Variants in MSI2 observed in about 807,000 individuals in gnomAD.
MSI2 encodes musashi RNA binding protein 2.
Under a neutral mutation model 45.6 loss-of-function variants are expected in MSI2, and 17 were observed. That is an observed-to-expected ratio of 0.37 (90% CI 0.26 to 0.56). MSI2 has a LOEUF of 0.56. MSI2 is among the 20% of genes least tolerant of loss of function. The pLI is 0.77. For missense variants in MSI2, 293 were observed against 444.2 expected (o/e 0.66, Z 3.06); for synonymous variants, 156 against 158.2 (o/e 0.99, Z 0.11).
chr17:57,573,354 A>G (rs1333000972), intron 7 of MSI2, among the ~76,000 whole-genome samples: 1 of 152,178 alleles, frequency 6.6e-6, no homozygotes, highest in Non-Finnish European at 1.5e-5. Flanking sequence ...CTCCTACATT[A>G]TCACTCATTA....
Position 57,627,184 on chromosome 17 carries a change from G to T in MSI2, c.653-45G>T. ...CCGTGAGATTTTACCCCAGACCTGAGGCGGCTGTACTAACAGGACTCTGAT... is the reference window on the plus strand; with the variant it reads ...CCGTGAGATTTTACCCCAGACCTGATGCGGCTGTACTAACAGGACTCTGAT... On this transcript the variant is annotated intron_variant, in intron 9 of 13. Coordinates refer to ENST00000284073, the MANE Select transcript of MSI2 (RefSeq NM_138962.4). The surrounding 1 kb of genome is among the most constrained non-coding windows in gnomAD (Gnocchi z 4.6). The T allele has an allele frequency of 1.9e-5, 29 of 1,563,424 alleles. No homozygotes were observed. The highest frequency in any genetic ancestry group is 2.5e-5 in the Non-Finnish European group (28 of 1,134,010).
intron 5 of MSI2, among the ~76,000 whole-genome samples, chr17:57,303,990 T>A (rs1911643091): frequency 6.6e-6 from 1 of 152,014 alleles, no homozygotes; most frequent in Non-Finnish European, 1.5e-5. Context: ...GAAGGGAGTC[T>A]TGGAGGGAAG....
rs373081184 is a variant in MSI2 at position 57,529,869 on chromosome 17, C to T, written c.454+145C>T. 3.5e-5 allele frequency: 23 copies of T among 648,254 alleles called. No homozygotes were observed. The highest frequency in any genetic ancestry group is 9.9e-5 in the Admixed American group (3 of 30,180). 40.2% of individuals were successfully genotyped at this position (648,254 alleles called of 1,614,324 possible). ...ACCATCCATTGAAGATCTTTATTCA[C>T]GGAGAGTCCCAGTAGCACAAAGAGT... On this transcript the variant is annotated intron_variant, in intron 7 of 13. Transcript: ENST00000284073. This position sits in a 1 kb window ranked among gnomAD's most constrained non-coding sequence, Gnocchi z 5.3.
At chr17:57,322,534 A>G (rs1913432480) in intron 5 of MSI2, among the ~76,000 whole-genome samples, 1 of 151,290 alleles carries the variant, frequency 6.6e-6, no homozygotes, top group African/African-American at 2.5e-5. Context: ...TAGGGGTGAA[A>G]TAACAGCATA....
At chr17:57,337,973 T>C (rs1251331518) in intron 5 of MSI2, among the ~76,000 whole-genome samples, 1 of 152,234 alleles carries the variant, frequency 6.6e-6, no homozygotes, top group African/African-American at 2.4e-5. Context: ...TGTTACTAGA[T>C]GGTTGTAAAA....
rs1367874213 is a variant in MSI2, at chr17:57,529,144, A to C, written c.406-532A>C. Among the ~76,000 whole-genome samples the C allele has an allele frequency of 6.6e-6, 1 of 152,198 alleles. No individual in the cohort carries two copies. Among genetic ancestry groups the C allele is most frequent in the African/African-American group, 2.4e-5 (1 of 41,462 alleles). On this transcript the variant is annotated intron_variant, in intron 6 of 13. Transcript: ENST00000284073. This position sits in a 1 kb window ranked among gnomAD's most constrained non-coding sequence, Gnocchi z 5.3. ...ATAGTTTTTTCTTTCTTTAGAAAAA[A>C]AATACTCCAGGCCTGGAGCAGTGGC...
intron 6 of MSI2, among the ~76,000 whole-genome samples, chr17:57,516,816 G>A (rs2086479207): frequency 1.3e-5 from 2 of 152,196 alleles, no homozygotes; most frequent in Non-Finnish European, 2.9e-5. Context: ...AATGGAGTGG[G>A]ATTTGAACCC....
intron 6 of MSI2, among the ~76,000 whole-genome samples, chr17:57,515,211 T>A (rs2086444767): frequency 6.6e-6 from 1 of 152,232 alleles, no homozygotes; most frequent in Non-Finnish European, 1.5e-5. Context: ...TATTTTGTTT[T>A]GTTTTGTTTT....
intron 5 of MSI2, among the ~76,000 whole-genome samples, chr17:57,332,748 G>T (rs760445676): frequency 6.6e-6 from 1 of 152,184 alleles, no homozygotes; most frequent in Non-Finnish European, 1.5e-5. Flanking sequence ...GATGCAGGCC[G>T]GGCATGGTGG....
intron 5 of MSI2, among the ~76,000 whole-genome samples, chr17:57,328,817 TGTTTG>T (rs1337621012): frequency 4.0e-5 from 6 of 151,640 alleles, no homozygotes; most frequent in Non-Finnish European, 8.8e-5. Context: ...AAAGTTTGTG[TGTTTG>T]GTTTGGGTTG....
intron 6 of MSI2, among the ~76,000 whole-genome samples, chr17:57,438,823 G>C (rs142454745): frequency 1.4e-5 from 2 of 138,920 alleles, no homozygotes; most frequent in Non-Finnish European, 1.6e-5. Context: ...TTGAGACTGC[G>C]TTTGTTTCAT....
rs1567908482 is a variant in MSI2 at position 57,573,080 on chromosome 17, G to A, written c.455-23788G>A. ...AGATGCACATGTCCAATGGGAAGGC[G>A]AGGGCAGTCTCCTAGAATGCCTCTG... On this transcript the variant is annotated intron_variant, in intron 7 of 13. Transcript: ENST00000284073. Among the ~76,000 whole-genome samples the A allele has an allele frequency of 2.6e-5, 4 of 152,204 alleles. No individual in the cohort carries two copies. In the South Asian group the frequency reaches 6.2e-4, roughly 24 times the overall value.
chr17:57,654,738 A>G (rs1055994540), intron 11 of MSI2, among the ~76,000 whole-genome samples: 5 of 152,056 alleles, frequency 3.3e-5, no homozygotes. Context: ...ATTCAGGGAG[A>G]GTCTGTTGAG....
chr17:57,491,293 C>G (rs1263152957), intron 6 of MSI2, among the ~76,000 whole-genome samples: 1 of 152,218 alleles, frequency 6.6e-6, no homozygotes, highest in Non-Finnish European at 1.5e-5. Context: ...GAAGACAGGT[C>G]ATGGAGTGAA....
chr17:57,494,346 C>A (rs945623050), intron 6 of MSI2, among the ~76,000 whole-genome samples: 14 of 152,170 alleles, frequency 9.2e-5, no homozygotes, highest in Non-Finnish European at 4.4e-5. Flanking sequence ...CCAACAGCCT[C>A]CATGATGCAG....
intron 7 of MSI2, among the ~76,000 whole-genome samples, chr17:57,576,847 A>G (rs895072704): frequency 6.6e-6 from 1 of 150,924 alleles, no homozygotes; most frequent in Non-Finnish European, 1.5e-5. Context: ...GACATGGTTT[A>G]TAGGAAGCCT....
At chr17:57,595,424 G>C (rs117958511) in intron 7 of MSI2, among the ~76,000 whole-genome samples, 3,891 of 152,074 alleles carry the variant, frequency 0.026, 83 homozygotes, top group Admixed American at 0.062. Context: ...AGCTGGGGCG[G>C]CTATAATGAA....
intron 5 of MSI2, among the ~76,000 whole-genome samples, chr17:57,322,416 C>A (rs1196515719): frequency 3.3e-5 from 5 of 152,054 alleles, no homozygotes; most frequent in South Asian, 2.1e-4. Flanking sequence ...ATATTTATTT[C>A]CATAATCAAA....
intron 5 of MSI2, chr17:57,268,259 C>T (rs1217951492): frequency 6.6e-6 from 1 of 152,166 alleles, no homozygotes; most frequent in African/African-American, 2.4e-5. Flanking sequence ...CCTGCTGTCA[C>T]CAAACTTTTG....
Sources: allele counts gnomAD v4.1 joint callset (sites outside exome capture counted in the v4.1 genomes callset), GRCh38; gene constraint gnomAD v4.1.1; non-coding constraint Gnocchi (gnomAD v3.1); transcripts MANE v1.5; gene names NCBI Gene and HGNC (gene_info 2026-07-23, HGNC 2026-07-21).